KAZN: variants seen among roughly 807,000 people sequenced by gnomAD.
The protein encoded by KAZN is kazrin.
KAZN carries 40 observed loss-of-function variants against 87.4 expected under a neutral mutation model. The ratio of observed to expected loss-of-function variants is 0.46; its 90% CI spans 0.36 to 0.60. The LOEUF (loss-of-function observed/expected upper bound fraction) is 0.60, where lower values mean the gene tolerates loss of function less well. Ranked by LOEUF, KAZN falls within the 20% of genes least tolerant of loss-of-function variation. The probability of loss-of-function intolerance (pLI) is 0.00; values close to 1 mark genes in which losing one functional copy is unlikely to be tolerated. For missense variants in KAZN, 898 were observed against 1,073.9 expected, an observed-to-expected ratio of 0.84 and a Z score of 2.29; for synonymous variants, 466 against 458.3, an observed-to-expected ratio of 1.02 and a Z score of -0.22.
At chr1:14,941,754 G>C (rs1661107234) in intron 1 of KAZN, among the ~76,000 whole-genome samples, 1 of 152,198 alleles carries the variant, frequency 6.6e-6, no homozygotes. Context: ...AAACGCTTTG[G>C]TTCTGCCCAT....
At chr1:14,812,235 C>T (rs1646434033) in intron 1 of KAZN, among the ~76,000 whole-genome samples, 1 of 152,184 alleles carries the variant, frequency 6.6e-6, no homozygotes, top group East Asian at 1.9e-4. Flanking sequence ...TGACACCCTG[C>T]CTCCAGGTGG....
chr1:14,023,547 G>A (rs1640939014), intron 1 of KAZN, among the ~76,000 whole-genome samples: 1 of 152,154 alleles, frequency 6.6e-6, no homozygotes, highest in South Asian at 2.1e-4. Context: ...CTGGTCCTGA[G>A]TTTGTGATCT....
intron 2 of KAZN, among the ~76,000 whole-genome samples, chr1:14,336,383 A>G (rs1657272667): frequency 6.6e-6 from 1 of 152,152 alleles, no homozygotes; most frequent in African/African-American, 2.4e-5. Context: ...TGAACATTTG[A>G]GATGTTTCCA....
intron 1 of KAZN, among the ~76,000 whole-genome samples, chr1:14,883,642 T>C (rs1048741777): frequency 5.9e-5 from 9 of 152,034 alleles, no homozygotes; most frequent in African/African-American, 2.2e-4. Flanking sequence ...CTGCACACAA[T>C]ATTGGATCTA....
intron 1 of KAZN, among the ~76,000 whole-genome samples, chr1:14,628,842 CTT>C (rs67908811): frequency 0.21 from 26,374 of 126,486 alleles, 2,387 homozygotes; most frequent in Non-Finnish European, 0.25. Context: ...CTTTCACATT[CTT>C]TTTTTTTTTT....
intron 1 of KAZN, among the ~76,000 whole-genome samples, chr1:14,950,171 A>G (rs1662311710): frequency 6.6e-6 from 1 of 151,992 alleles, no homozygotes; most frequent in African/African-American, 2.4e-5. Context: ...GGTGGGTGTT[A>G]TTTGAGAGTC....
chr1:15,041,125 A>ATT (rs376156652), intron 3 of KAZN, among the ~76,000 whole-genome samples: 2 of 139,034 alleles, frequency 1.4e-5, no homozygotes, highest in East Asian at 2.3e-4. Context: ...GAATTTTTGT[A>ATT]TTTTTTTTTT....
chr1:14,543,800 T>C (rs921249496), intron 2 of KAZN, among the ~76,000 whole-genome samples: 17 of 152,192 alleles, frequency 1.1e-4, no homozygotes, highest in Admixed American at 1.1e-3. Context: ...GCAAGTTACA[T>C]ACATTAGCGC....
chr1:14,354,651 C>CAG (rs1218057858), intron 2 of KAZN, among the ~76,000 whole-genome samples: 1 of 128,736 alleles, frequency 7.8e-6, no homozygotes, highest in Non-Finnish European at 1.5e-5. Flanking sequence ...ATTAGACACA[C>CAG]ACACACACAC....
rs576462769 is a variant in KAZN at position 13,993,045 on chromosome 1, C to T, written c.91+99289C>T. On this transcript the variant is annotated intron_variant, in intron 1 of 16. Coordinates refer to the KAZN transcript ENST00000636203. ...CCCTTCTTGCTGTGCCCCTTTGCTC[C>T]AGTGATGTCAGGCTTGACCATGTGA... is the stretch of plus-strand genomic sequence containing the variant. 2.3e-4 allele frequency among the ~76,000 whole-genome samples: 35 copies of T among 152,248 alleles called. No individual in the cohort carries two copies. The South Asian group carries it at 7.3e-3, about 32-fold the overall frequency.
chr1:14,452,465 C>A (rs142145860), intron 2 of KAZN, among the ~76,000 whole-genome samples: 1 of 152,288 alleles, frequency 6.6e-6, no homozygotes, highest in Non-Finnish European at 1.5e-5. Context: ...TTATCAAAGC[C>A]TGGTCAATCT....
chr1:15,023,609 T>G (rs906440191), intron 2 of KAZN, among the ~76,000 whole-genome samples: 26 of 151,860 alleles, frequency 1.7e-4, no homozygotes, highest in African/African-American at 6.3e-4. Flanking sequence ...TGGAAGGACT[T>G]TGCGCTCCCC....
intron 1 of KAZN, among the ~76,000 whole-genome samples, chr1:13,959,832 C>T (rs1001508044): frequency 6.6e-5 from 10 of 152,154 alleles, no homozygotes; most frequent in Admixed American, 6.5e-4. Context: ...GTCTGATTCA[C>T]TCTCTTTAGA....
At chr1:14,564,769 T>G (rs1378537134) in intron 2 of KAZN, among the ~76,000 whole-genome samples, 1 of 151,954 alleles carries the variant, frequency 6.6e-6, no homozygotes, top group Non-Finnish European at 1.5e-5. Flanking sequence ...GCCGAGATCA[T>G]ACCACTGCAC....
At chr1:15,042,215 A>G (rs1255314459) in intron 3 of KAZN, among the ~76,000 whole-genome samples, 1 of 152,222 alleles carries the variant, frequency 6.6e-6, no homozygotes, top group Non-Finnish European at 1.5e-5. Context: ...GGGACATTTT[A>G]TAAGCAGCCT....
intron 1 of KAZN, among the ~76,000 whole-genome samples, chr1:14,139,927 ATGTG>A (rs541192220): frequency 0.35 from 47,079 of 135,196 alleles, 8,360 homozygotes; most frequent in Non-Finnish European, 0.42. Flanking sequence ...TTTGAGGTAA[ATGTG>A]TGTGTGTGTG....
intron 2 of KAZN, among the ~76,000 whole-genome samples, chr1:14,983,058 C>T (rs747479733): frequency 9.9e-5 from 15 of 152,218 alleles, no homozygotes; most frequent in Non-Finnish European, 1.3e-4. Context: ...GCTAACAAAT[C>T]GCTTTTGCCT....
At chr1:14,159,507 G>C (rs1485216914) in intron 1 of KAZN, among the ~76,000 whole-genome samples, 1 of 152,184 alleles carries the variant, frequency 6.6e-6, no homozygotes, top group Non-Finnish European at 1.5e-5. Context: ...TAGGGCAGTG[G>C]GCTCCCCTCT....
intron 2 of KAZN, among the ~76,000 whole-genome samples, chr1:14,226,853 G>T (rs895658223): frequency 2.4e-4 from 10 of 41,970 alleles, no homozygotes; most frequent in Non-Finnish European, 3.9e-4. Flanking sequence ...CATCGTGTAC[G>T]CATGGACACA....
Sources: allele counts gnomAD v4.1 joint callset (sites outside exome capture counted in the v4.1 genomes callset), GRCh38; gene constraint gnomAD v4.1.1; transcripts MANE v1.5; gene names NCBI Gene and HGNC (gene_info 2026-07-23, HGNC 2026-07-21).